The following MBNL2 variants were observed in gnomAD, a reference collection of about 807,000 sequenced individuals.
MBNL2 encodes the protein muscleblind like splicing regulator 2.
In MBNL2, 17 loss-of-function variants were observed where a neutral mutation model predicts 41.9. The ratio of observed to expected loss-of-function variants is 0.41; its 90% confidence interval spans 0.28 to 0.61. The LOEUF (loss-of-function observed/expected upper bound fraction) is 0.61, where lower values mean the gene tolerates loss of function less well. Ranked by LOEUF, MBNL2 falls within the 20% of genes least tolerant of loss-of-function variation. The probability of loss-of-function intolerance (pLI) is 0.35; values close to 1 mark genes in which losing one functional copy is unlikely to be tolerated. For missense variants in MBNL2, 336 were observed against 505.6 expected, an observed-to-expected ratio of 0.66 and a Z score of 3.22; for synonymous variants, 195 against 182.9, an observed-to-expected ratio of 1.07 and a Z score of -0.53.
intron 2 of MBNL2, among the ~76,000 whole-genome samples, chr13:97,326,099 AGTCCAGGTGATGCAGTGGAAT>A (rs141655493): frequency 0.12 from 18,275 of 152,092 alleles, 1,151 homozygotes; most frequent in East Asian, 0.19. Context: ...TCTGCCCCAT[AGTCCAGGTGATGCAGTGGAAT>A]GATGCTCTAC....
intron 7 of MBNL2, among the ~76,000 whole-genome samples, chr13:97,359,286 T>A (rs181048241): frequency 0.016 from 2,340 of 150,268 alleles, 64 homozygotes; most frequent in African/African-American, 0.048. Context: ...AAAAAAAAAA[T>A]TAAGGAAGAA....
chr13:97,227,844 C>T (rs2041868523), intron 1 of MBNL2, among the ~76,000 whole-genome samples: 1 of 152,168 alleles, frequency 6.6e-6, no homozygotes, highest in Non-Finnish European at 1.5e-5. Context: ...ATTTGCTTTG[C>T]TTTTTCAGCT....
At chr13:97,247,566 T>C (rs1230697611) in intron 1 of MBNL2, among the ~76,000 whole-genome samples, 1 of 152,212 alleles carries the variant, frequency 6.6e-6, no homozygotes, top group African/African-American at 2.4e-5. Flanking sequence ...AAGTTAATGA[T>C]ATAACTTGGA....
chr13:97,168,195 C>T, the MBNL2 span, among the ~76,000 whole-genome samples: 1 of 152,078 alleles, frequency 6.6e-6, no homozygotes, highest in Non-Finnish European at 1.5e-5. Context: ...AACTGCTGAC[C>T]TCAGGTGATC....
chr13:97,205,839 G>A, the MBNL2 span, among the ~76,000 whole-genome samples: 1 of 152,154 alleles, frequency 6.6e-6, no homozygotes, highest in Admixed American at 6.5e-5. Flanking sequence ...ATGCACGACT[G>A]ATGTTAAATT....
At chr13:97,298,789 T>C (rs1326339516) in intron 2 of MBNL2, among the ~76,000 whole-genome samples, 1 of 152,180 alleles carries the variant, frequency 6.6e-6, no homozygotes, top group African/African-American at 2.4e-5. Flanking sequence ...GAAGTTTTAT[T>C]CTTCTGTTTG....
At chr13:97,147,778 G>A in the MBNL2 span, among the ~76,000 whole-genome samples, 2 of 152,226 alleles carry the variant, frequency 1.3e-5, no homozygotes, top group African/African-American at 4.8e-5. Context: ...GTTTTCATGA[G>A]GATAAAAGAA....
intron 8 of MBNL2, among the ~76,000 whole-genome samples, chr13:97,369,962 A>G (rs1238769005): frequency 6.6e-6 from 1 of 152,154 alleles, no homozygotes; most frequent in Non-Finnish European, 1.5e-5. Context: ...CCTAATAGTA[A>G]TAATATTATT....
the MBNL2 span, among the ~76,000 whole-genome samples, chr13:97,162,312 G>A: frequency 5.9e-5 from 9 of 152,074 alleles, no homozygotes; most frequent in Admixed American, 2.6e-4. Flanking sequence ...ACATCAAATC[G>A]ACTCTAAGAA....
chr13:97,329,520 CT>C (rs2060192116), intron 2 of MBNL2, among the ~76,000 whole-genome samples: 1 of 151,738 alleles, frequency 6.6e-6, no homozygotes, highest in Non-Finnish European at 1.5e-5. Flanking sequence ...CACACCCCTT[CT>C]CTGCACTGGC....
At chr13:97,293,185 G>C (rs184770263) in intron 2 of MBNL2, among the ~76,000 whole-genome samples, 105 of 151,850 alleles carry the variant, frequency 6.9e-4, no homozygotes, top group African/African-American at 2.5e-3. Flanking sequence ...GAAGTATTTA[G>C]GACTGTAAAT....
Position 97,366,364 on chromosome 13 carries a change from T to G in MBNL2, c.1048+1193T>G. On this transcript the variant is annotated intron_variant, in intron 8 of 8. Coordinates refer to ENST00000679496, the MANE Select transcript of MBNL2 (RefSeq NM_001382683.1). This position sits in a 1 kb window ranked among gnomAD's most constrained non-coding sequence, Gnocchi z 4.7. Reference sequence around the variant, plus strand: ...ATCTGCTGGTTTAACCCATGATGGCTTGCTGCTCTGATATTCACCATGCCA... The same window carrying G: ...ATCTGCTGGTTTAACCCATGATGGCGTGCTGCTCTGATATTCACCATGCCA... 1 of 671,754 alleles carries G rather than the reference T, an allele frequency of 1.5e-6. No homozygotes were observed. Among genetic ancestry groups the G allele is most frequent in the South Asian group, 1.9e-5 (1 of 51,666 alleles). The allele number at this position is 671,754 out of a possible 1,614,324, so 41.6% of individuals were successfully genotyped here. A position where few individuals can be genotyped will look rare whatever the true frequency, so the allele number is the denominator to read the frequency against.
chr13:97,364,268 C>A (rs1331866112), intron 7 of MBNL2, among the ~76,000 whole-genome samples: 1 of 152,154 alleles, frequency 6.6e-6, no homozygotes, highest in Non-Finnish European at 1.5e-5. Context: ...CTTGAGATTT[C>A]CTAGGAGTTT....
At chr13:97,389,975 T>G (rs1264313974) in intron 8 of MBNL2, among the ~76,000 whole-genome samples, 1 of 152,120 alleles carries the variant, frequency 6.6e-6, no homozygotes, top group African/African-American at 2.4e-5. Flanking sequence ...AAATACTAGA[T>G]GCTGTGTTTA....
intron 7 of MBNL2, among the ~76,000 whole-genome samples, chr13:97,358,343 C>T (rs887024767): frequency 1.6e-4 from 24 of 152,068 alleles, no homozygotes; most frequent in African/African-American, 5.6e-4. Context: ...AGTGACTTTC[C>T]AAGGTGCCAC....
the MBNL2 span, among the ~76,000 whole-genome samples, chr13:97,146,055 A>C: frequency 3.3e-5 from 5 of 151,418 alleles, no homozygotes; most frequent in Admixed American, 2.6e-4. Context: ...GTGTGGCATG[A>C]CCTTGGCTCA....
chr13:97,243,590 G>C (rs1377721808), intron 1 of MBNL2, among the ~76,000 whole-genome samples: 2 of 152,178 alleles, frequency 1.3e-5, no homozygotes, highest in Non-Finnish European at 2.9e-5. Context: ...GGAGAAGCAC[G>C]TCAGTCTTCT....
intron 1 of MBNL2, among the ~76,000 whole-genome samples, chr13:97,241,173 G>A (rs1203068259): frequency 6.6e-6 from 1 of 152,174 alleles, no homozygotes; most frequent in Non-Finnish European, 1.5e-5. Context: ...CTTCCTTCCT[G>A]GATGTGCTGA....
rs1416787634 is a variant in MBNL2, at chr13:97,222,450, G to A, written c.-686G>A. The A allele has an allele frequency of 5.0e-6, 2 of 398,656 alleles. No homozygotes were observed. The highest frequency in any genetic ancestry group is 2.1e-5 in the African/African-American group (1 of 48,762). The allele number at this position is 398,656 out of a possible 1,614,324, so 24.7% of individuals were successfully genotyped here. ...CATGGAAGTTTCTTTCTCATGATGCGGTGGAGAAGCCTCGGCCACTTGGTT... is the reference window on the plus strand; with the variant it reads ...CATGGAAGTTTCTTTCTCATGATGCAGTGGAGAAGCCTCGGCCACTTGGTT... On this transcript the variant is annotated 5_prime_UTR_variant, in exon 1 of 9. Transcript: ENST00000679496.
Sources: allele counts gnomAD v4.1 joint callset (sites outside exome capture counted in the v4.1 genomes callset), GRCh38; gene constraint gnomAD v4.1.1; non-coding constraint Gnocchi (gnomAD v3.1); transcripts MANE v1.5; gene names NCBI Gene and HGNC (gene_info 2026-07-23, HGNC 2026-07-21).